The following RIBC2 variants were observed in gnomAD, a reference collection of about 807,000 sequenced individuals.
RIBC2 encodes RIB43A domain with coiled-coils 2, also known as RIB43A-like with coiled-coils protein 2.
RIBC2 carries 40 observed loss-of-function variants against 44.3 expected under a neutral mutation model. That is an observed-to-expected ratio of 0.90 (90% CI 0.70 to 1.18). The LOEUF is 1.18. RIBC2 is among the 50% of genes most tolerant of loss of function. RIBC2 has a pLI of 0.00. For synonymous variants in RIBC2, 171 were observed against 175.0 expected (o/e 0.98, Z 0.18); for missense variants, 459 against 485.5 (o/e 0.95, Z 0.51).
chr22:45,427,344 G>T (rs1420551326), intron 5 of RIBC2, among the ~76,000 whole-genome samples: 1 of 152,208 alleles, frequency 6.6e-6, no homozygotes, highest in Non-Finnish European at 1.5e-5. Context: ...CCAGCTACCA[G>T]GAAGGAGGAA....
In RIBC2 at chr22:45,415,766, C is replaced by G. The variant is rs542178068; in HGVS notation, c.211+1363C>G. Among the ~76,000 whole-genome samples, 11 of 152,226 alleles carry G rather than the reference C, an allele frequency of 7.2e-5. No homozygotes were observed. In the South Asian group the frequency reaches 2.3e-3, roughly 32 times the overall value. On this transcript the variant is annotated intron_variant, in intron 2 of 6. Transcript: ENST00000614167. ...CCAGGCTGGAGAGCTGTGGCGCGAT[C>G]TCAGCTCACCGCAACCTCCGCCTCC...
chr22:45,421,165 C>T (rs953721549), intron 3 of RIBC2, among the ~76,000 whole-genome samples: 4 of 151,696 alleles, frequency 2.6e-5, no homozygotes, highest in Admixed American at 1.3e-4. Context: ...CGTGGTGGTG[C>T]GCGCCTGTAA....
At chr22:45,423,564 G>A (rs1455024188) in intron 4 of RIBC2, among the ~76,000 whole-genome samples, 1 of 152,176 alleles carries the variant, frequency 6.6e-6, no homozygotes, top group Non-Finnish European at 1.5e-5. Flanking sequence ...ACCATGCTGT[G>A]AACTAAATAT....
chr22:45,426,545 G>A (rs1483963323), intron 5 of RIBC2, among the ~76,000 whole-genome samples: 1 of 152,248 alleles, frequency 6.6e-6, no homozygotes, highest in East Asian at 1.9e-4. Flanking sequence ...GTGGAGCCTG[G>A]TGACTAGAGT....
At chr22:45,414,174 G>T in intron 1 of RIBC2, 148 bp from the exon 2 acceptor site, 2 of 1,478,172 alleles carry the variant, frequency 1.4e-6, no homozygotes, top group African/African-American at 2.8e-5. Context: ...AGCTCGCCTG[G>T]AGTCACCAAC....
In RIBC2 at chr22:45,414,302, C is replaced by CATT. The variant is rs1177794060; in HGVS notation, c.130-20_130-19insATT. 1.9e-6 allele frequency: 3 copies of CATT among 1,543,652 alleles called. No individual in the cohort carries two copies. The highest frequency in any genetic ancestry group is 2.6e-6 in the Non-Finnish European group (3 of 1,144,140). ...AAATGATCTGGCTCTAACCCTTCTC[C>CATT]TCTGTTTTTCCATTTATAGGGAGAC... On this transcript the variant is annotated intron_variant, in intron 1 of 6. Coordinates refer to ENST00000614167, the MANE Select transcript of RIBC2 (RefSeq NM_015653.5).
At position 45,426,005 on chromosome 22, in the gene RIBC2, T is replaced by G. The variant is rs770667200; in HGVS notation, c.733T>G (p.Leu245Val). ...QEKKQEQEDN[L>V]AEITNLLRGD... is the part of the protein sequence containing the mutation. Reference sequence around the variant, plus strand: ...GAAAAAGCAAGAACAAGAGGACAACTTGGCCGAGATCACCAACCTCCTGCG... The same window carrying G: ...GAAAAAGCAAGAACAAGAGGACAACGTGGCCGAGATCACCAACCTCCTGCG... Residue 245 changes from leucine to valine, a missense_variant, in exon 5 of 7, where the codon TTG becomes GTG. Transcript: ENST00000614167. 2 of 1,613,884 alleles carry G rather than the reference T, an allele frequency of 1.2e-6. No homozygotes were observed. Among genetic ancestry groups the G allele is most frequent in the Admixed American group, 1.7e-5 (1 of 59,986 alleles).
At chr22:45,416,042 TAAC>T (rs974150589) in intron 2 of RIBC2, among the ~76,000 whole-genome samples, 4 of 152,240 alleles carry the variant, frequency 2.6e-5, no homozygotes, top group African/African-American at 9.6e-5. Context: ...TATGTATTCA[TAAC>T]AATATAAAAT....
chr22:45,421,929 C>A (rs1296081230), intron 3 of RIBC2, among the ~76,000 whole-genome samples: 1 of 152,072 alleles, frequency 6.6e-6, no homozygotes, highest in Non-Finnish European at 1.5e-5. Flanking sequence ...CCCCTGAATC[C>A]TTTCCCAAAA....
At chr22:45,416,704 C>T (rs577642832) in intron 2 of RIBC2, among the ~76,000 whole-genome samples, 29 of 152,206 alleles carry the variant, frequency 1.9e-4, no homozygotes, top group Admixed American at 1.7e-3. Context: ...TTGTGATCCG[C>T]CCACCTCGGC....
intron 3 of RIBC2, among the ~76,000 whole-genome samples, chr22:45,418,574 G>T (rs376875278): frequency 6.6e-6 from 1 of 152,200 alleles, no homozygotes; most frequent in Admixed American, 6.5e-5. Context: ...CCACTTCTGT[G>T]CCGGAAAGAC....
chr22:45,430,843 C>T (rs1177092063), intron 5 of RIBC2, 57 bp from the exon 6 acceptor site: 18 of 1,481,008 alleles, frequency 1.2e-5, no homozygotes, highest in Non-Finnish European at 1.5e-5. Context: ...TAGATAATCC[C>T]CTGGGGTTCT....
At chr22:45,426,228 C>CCCCG in intron 5 of RIBC2, 53 bp downstream of exon 5, 1 of 1,472,368 alleles carries the variant, frequency 6.8e-7, no homozygotes. Context: ...TCTTTGCTCC[C>CCCCG]ACTGCCTTCC....
At chr22:45,427,100 T>TA (rs1255345923) in intron 5 of RIBC2, among the ~76,000 whole-genome samples, 1 of 152,194 alleles carries the variant, frequency 6.6e-6, no homozygotes, top group Admixed American at 6.5e-5. Flanking sequence ...GTCCATTAGA[T>TA]ATCTGTATCT....
intron 5 of RIBC2, among the ~76,000 whole-genome samples, chr22:45,429,411 G>C (rs1191319359): frequency 6.6e-6 from 1 of 152,172 alleles, no homozygotes; most frequent in Non-Finnish European, 1.5e-5. Flanking sequence ...TCTGGAGAGG[G>C]TCTCAAACCT....
intron 5 of RIBC2, 66 bp from the exon 6 acceptor site, chr22:45,430,834 A>C: frequency 6.9e-7 from 1 of 1,456,950 alleles, no homozygotes; most frequent in South Asian, 1.5e-5. Flanking sequence ...CAGGCCTCCT[A>C]GATAATCCCC....
intron 4 of RIBC2, among the ~76,000 whole-genome samples, chr22:45,424,692 C>T (rs2146885115): frequency 6.6e-6 from 1 of 151,956 alleles, no homozygotes; most frequent in East Asian, 1.9e-4. Context: ...AGGAATGTGG[C>T]TAGTCCCCGC....
intron 6 of RIBC2, 28 bp downstream of exon 6, chr22:45,431,094 G>T (rs779110051): frequency 1.5e-5 from 23 of 1,557,612 alleles, no homozygotes; most frequent in East Asian, 2.4e-5. Flanking sequence ...CCAGGGCCAG[G>T]TGGGGGACCG....
chr22:45,424,148 A>T (rs1346167427), intron 4 of RIBC2, among the ~76,000 whole-genome samples: 2 of 152,214 alleles, frequency 1.3e-5, no homozygotes, highest in Admixed American at 6.5e-5. Flanking sequence ...GCCACGAGGC[A>T]GCACCATTGC....
Sources: allele counts gnomAD v4.1 joint callset (sites outside exome capture counted in the v4.1 genomes callset), GRCh38; gene constraint gnomAD v4.1.1; transcripts MANE v1.5; gene names NCBI Gene and HGNC (gene_info 2026-07-23, HGNC 2026-07-21).